Variants in YWHAE observed in about 807,000 individuals in gnomAD.
YWHAE encodes tyrosine 3-monooxygenase/tryptophan 5-monooxygenase activation protein epsilon, also known as 14-3-3 protein epsilon.
YWHAE carries 4 observed loss-of-function variants against 30.1 expected under a neutral mutation model. The observed-to-expected ratio is 0.13, with a 90% CI of 0.07 to 0.30. YWHAE has a LOEUF of 0.30. YWHAE is among the 10% of genes least tolerant of loss of function. The probability of loss-of-function intolerance (pLI) is 1.00; values close to 1 mark genes in which losing one functional copy is unlikely to be tolerated. For missense variants in YWHAE, 121 were observed against 315.9 expected (o/e 0.38, Z 4.68); for synonymous variants, 118 against 111.8 (o/e 1.06, Z -0.35).
intron 5 of YWHAE, among the ~76,000 whole-genome samples, chr17:1,348,702 G>T (rs8075892): frequency 0.088 from 13,391 of 152,204 alleles, 938 homozygotes; most frequent in Admixed American, 0.23. Context: ...TTACAGGCAG[G>T]CACCATTGCA....
intron 5 of YWHAE, among the ~76,000 whole-genome samples, chr17:1,348,234 G>C (rs2072559355): frequency 6.6e-6 from 1 of 152,156 alleles, no homozygotes; most frequent in South Asian, 2.1e-4. Flanking sequence ...AGGGGAAAAA[G>C]GATTCCTTGG....
intron 1 of YWHAE, among the ~76,000 whole-genome samples, chr17:1,366,999 T>C (rs2072955696): frequency 6.6e-6 from 1 of 151,940 alleles, no homozygotes; most frequent in South Asian, 2.1e-4. Flanking sequence ...GTGTGCCTAA[T>C]GTATCCAGGA....
chr17:1,346,192 A>G (rs922774320), intron 5 of YWHAE, among the ~76,000 whole-genome samples: 17 of 152,192 alleles, frequency 1.1e-4, no homozygotes, highest in Non-Finnish European at 2.5e-4. Flanking sequence ...AGGAGTTTCA[A>G]CTGCACTATG....
chr17:1,358,052 T>C (rs534687345), intron 4 of YWHAE, among the ~76,000 whole-genome samples: 4 of 151,666 alleles, frequency 2.6e-5, no homozygotes, highest in South Asian at 2.1e-4. Context: ...TCTGGAATAA[T>C]GAACTCTCAA....
In YWHAE at chr17:1,355,810, G is replaced by A. The variant is rs762521242; in HGVS notation, c.579-1463C>T. Among the ~76,000 whole-genome samples, 8 of 152,206 alleles carry A rather than the reference G, an allele frequency of 5.3e-5. 1 individual carries two copies. In the East Asian group the frequency reaches 5.8e-4, roughly 11 times the overall value. Reference sequence around the variant, plus strand: ...CACACTTTGGGTGGCTGATGCGTGCGCGCAGATCACTTGAGGCCAGGAGTT... The same window carrying A: ...CACACTTTGGGTGGCTGATGCGTGCACGCAGATCACTTGAGGCCAGGAGTT... On this transcript the variant is annotated intron_variant, in intron 4 of 5. Coordinates refer to ENST00000264335, the MANE Select transcript of YWHAE (RefSeq NM_006761.5).
At chr17:1,368,918 T>C (rs900923112) in intron 1 of YWHAE, among the ~76,000 whole-genome samples, 20 of 152,210 alleles carry the variant, frequency 1.3e-4, no homozygotes, top group African/African-American at 4.6e-4. Flanking sequence ...CTACCAAAAA[T>C]TTAAGTTACA....
intron 1 of YWHAE, among the ~76,000 whole-genome samples, chr17:1,380,992 G>C (rs1050163374): frequency 6.6e-6 from 1 of 152,170 alleles, no homozygotes; most frequent in Non-Finnish European, 1.5e-5. Flanking sequence ...TGCCTGATTA[G>C]ACTGTAACTC....
chr17:1,395,388 G>A (rs563555723), intron 1 of YWHAE, among the ~76,000 whole-genome samples: 1 of 152,236 alleles, frequency 6.6e-6, no homozygotes, highest in Non-Finnish European at 1.5e-5. Context: ...AATTAGCCGA[G>A]TGTGGTGGCA....
At chr17:1,370,239 G>A (rs1480861782) in intron 1 of YWHAE, among the ~76,000 whole-genome samples, 3 of 142,464 alleles carry the variant, frequency 2.1e-5, no homozygotes, top group Admixed American at 7.9e-5. Context: ...CCATTCTCCT[G>A]CCTCAGCCTC....
intron 1 of YWHAE, among the ~76,000 whole-genome samples, chr17:1,394,163 A>G (rs1696998246): frequency 6.6e-6 from 1 of 152,212 alleles, no homozygotes; most frequent in South Asian, 2.1e-4. Context: ...ATAACTGATT[A>G]GCCACATGAT....
intron 1 of YWHAE, 58 bp from the exon 2 acceptor site, chr17:1,365,116 C>T (rs1382456466): frequency 7.8e-6 from 12 of 1,534,076 alleles, no homozygotes; most frequent in East Asian, 4.5e-5. Context: ...TAACATATTC[C>T]TTTCAAAGTA....
chr17:1,400,160 G>C lies in YWHAE; in HGVS notation c.-50C>G. 2 of 1,605,638 alleles carry C rather than the reference G, an allele frequency of 1.2e-6. No individual in the cohort carries two copies. Among genetic ancestry groups the C allele is most frequent in the Non-Finnish European group, 8.5e-7 (1 of 1,172,622 alleles). On this transcript the variant is annotated 5_prime_UTR_variant, in exon 1 of 6. Transcript: ENST00000264335. The stretch of plus-strand genomic sequence containing the variant: ...TGCGCGACGGATGGAAGCGGATAGT[G>C]TCTCCGACTCTCTCAGCCTCTCGCT...
At chr17:1,355,148 A>ATTTT (rs1271496520) in intron 4 of YWHAE, among the ~76,000 whole-genome samples, 5 of 76,834 alleles carry the variant, frequency 6.5e-5, no homozygotes, top group East Asian at 3.3e-4. Flanking sequence ...AAAAAAAAAA[A>ATTTT]TTTTTTTTTT....
Position 1,393,602 on chromosome 17 carries a change from TG to T in YWHAE, c.64+6444del, listed in dbSNP as rs1177813872. On this transcript the variant is annotated intron_variant, in intron 1 of 5. Transcript: ENST00000264335. ...AAGCCATCACAGGCCAGCTAATTTTTGTATTTTTAGTAGAGACTGGTTTTCA... is the reference window on the plus strand; with the variant it reads ...AAGCCATCACAGGCCAGCTAATTTTTTATTTTTAGTAGAGACTGGTTTTCA... 2.0e-5 allele frequency among the ~76,000 whole-genome samples: 3 copies of T among 152,178 alleles called. No homozygotes were observed. In the East Asian group the frequency reaches 5.8e-4, roughly 29 times the overall value.
intron 1 of YWHAE, among the ~76,000 whole-genome samples, chr17:1,367,141 T>C (rs1439149553): frequency 1.3e-5 from 2 of 152,192 alleles, no homozygotes; most frequent in African/African-American, 2.4e-5. Flanking sequence ...CCCAATTCTA[T>C]GCATCATCCA....
At chr17:1,359,173 G>C (rs1031081764) in intron 4 of YWHAE, among the ~76,000 whole-genome samples, 10 of 151,828 alleles carry the variant, frequency 6.6e-5, no homozygotes, top group African/African-American at 1.9e-4. Context: ...GAAAAGAAAA[G>C]GCCAGGTATG....
intron 4 of YWHAE, among the ~76,000 whole-genome samples, chr17:1,356,171 A>ACACACAC (rs2072737906): frequency 1.5e-4 from 22 of 143,106 alleles, no homozygotes; most frequent in East Asian, 4.3e-4. Flanking sequence ...TCCGTCTAAA[A>ACACACAC]ACACACACAC....
At position 1,376,922 on chromosome 17, in the gene YWHAE, C is replaced by A. The variant is rs1238864246; in HGVS notation, c.65-11864G>T. 2.0e-5 allele frequency among the ~76,000 whole-genome samples: 3 copies of A among 147,184 alleles called. No homozygotes were observed. The East Asian group carries it at 7.2e-4, about 35-fold the overall frequency. On this transcript the variant is annotated intron_variant, in intron 1 of 5. Transcript: ENST00000264335. ...CTTACCAAAGCACACAGGGTCATAACCCTAACTTTTTTTTTTTTTTTTGAG... is the reference window on the plus strand; with the variant it reads ...CTTACCAAAGCACACAGGGTCATAAACCTAACTTTTTTTTTTTTTTTTGAG...
intron 5 of YWHAE, among the ~76,000 whole-genome samples, chr17:1,352,879 T>A (rs2072658944): frequency 6.6e-6 from 1 of 152,138 alleles, no homozygotes; most frequent in African/African-American, 2.4e-5. Context: ...TCAGACTTTG[T>A]TTACAACCTC....
Sources: gnomAD v4.1 joint callset for allele counts (sites outside exome capture counted in the v4.1 genomes callset) on GRCh38, gnomAD v4.1.1 for gene constraint, MANE v1.5 for transcripts, NCBI Gene and HGNC (gene_info 2026-07-23, HGNC 2026-07-21) for gene names.